The following NKAIN2 variants were observed in gnomAD, a reference collection of about 807,000 sequenced individuals.
The protein encoded by NKAIN2 is sodium/potassium transporting ATPase interacting 2, also known as sodium/potassium-transporting ATPase subunit beta-1-interacting protein 2.
Under a neutral mutation model 32.6 loss-of-function variants are expected in NKAIN2, and 14 were observed. The observed-to-expected ratio is 0.43, with a 90% CI of 0.28 to 0.67. The LOEUF (loss-of-function observed/expected upper bound fraction) is 0.67, where lower values mean the gene tolerates loss of function less well. NKAIN2 is among the 30% of genes least tolerant of loss of function. NKAIN2 has a pLI of 0.17. For synonymous variants in NKAIN2, 80 were observed against 87.2 expected, an observed-to-expected ratio of 0.92 and a Z score of 0.46; for missense variants, 198 against 258.3, an observed-to-expected ratio of 0.77 and a Z score of 1.60.
At chr6:123,976,348 C>CAT (rs3039590) in intron 1 of NKAIN2, among the ~76,000 whole-genome samples, 4,363 of 13,108 alleles carry the variant, frequency 0.33, 785 homozygotes, top group East Asian at 0.5. Context: ...TATATGTTCC[C>CAT]ATATATATAT....
intron 1 of NKAIN2, among the ~76,000 whole-genome samples, chr6:123,871,071 C>G (rs867166274): frequency 1.4e-4 from 22 of 152,080 alleles, no homozygotes; most frequent in African/African-American, 4.1e-4. Flanking sequence ...TCATTTCCCA[C>G]AACAAGAACT....
At chr6:124,058,598 A>G (rs1782778878) in intron 1 of NKAIN2, among the ~76,000 whole-genome samples, 1 of 152,094 alleles carries the variant, frequency 6.6e-6, no homozygotes, top group Admixed American at 6.6e-5. Context: ...GTTACTTATA[A>G]TAGTCAACAT....
At chr6:124,553,035 A>C (rs1780347767) in intron 3 of NKAIN2, among the ~76,000 whole-genome samples, 1 of 152,190 alleles carries the variant, frequency 6.6e-6, no homozygotes, top group African/African-American at 2.4e-5. Context: ...TTTCCTATGG[A>C]ATTTGTTTAA....
At chr6:124,482,150 C>T (rs1038362100) in intron 3 of NKAIN2, among the ~76,000 whole-genome samples, 2 of 152,048 alleles carry the variant, frequency 1.3e-5, no homozygotes, top group African/African-American at 4.8e-5. Context: ...AGTTACAAAC[C>T]TCTCAAAAAT....
At chr6:124,196,616 C>CT (rs2114609294) in intron 1 of NKAIN2, among the ~76,000 whole-genome samples, 1 of 152,146 alleles carries the variant, frequency 6.6e-6, no homozygotes, top group Admixed American at 6.5e-5. Flanking sequence ...TTGCTTTGCA[C>CT]TAACACTCTT....
chr6:124,366,473 C>T (rs1020403079), intron 3 of NKAIN2, among the ~76,000 whole-genome samples: 3 of 151,804 alleles, frequency 2.0e-5, no homozygotes, highest in African/African-American at 4.8e-5. Flanking sequence ...ATTTTGTGTT[C>T]ACATGATTTC....
chr6:124,474,925 C>T (rs959719063), intron 3 of NKAIN2, among the ~76,000 whole-genome samples: 27 of 119,250 alleles, frequency 2.3e-4, no homozygotes, highest in African/African-American at 7.0e-4. Context: ...TATATGTATG[C>T]ATTATATAGG....
At chr6:124,357,626 T>C (rs1241788012) in intron 3 of NKAIN2, among the ~76,000 whole-genome samples, 1 of 152,196 alleles carries the variant, frequency 6.6e-6, no homozygotes, top group Non-Finnish European at 1.5e-5. Context: ...TGACATTCTG[T>C]GGGCTTTATA....
At chr6:124,272,483 A>C (rs1794837907) in intron 1 of NKAIN2, among the ~76,000 whole-genome samples, 1 of 152,218 alleles carries the variant, frequency 6.6e-6, no homozygotes, top group Admixed American at 6.5e-5. Context: ...ACTGTGCCTC[A>C]ATTTCAGAGA....
intron 3 of NKAIN2, among the ~76,000 whole-genome samples, chr6:124,395,011 T>C (rs1422508337): frequency 6.6e-6 from 1 of 152,160 alleles, no homozygotes; most frequent in African/African-American, 2.4e-5. Flanking sequence ...GTCAGGTCTC[T>C]CTAATCTCTT....
At chr6:124,552,595 A>T (rs533771305) in intron 3 of NKAIN2, among the ~76,000 whole-genome samples, 2 of 152,332 alleles carry the variant, frequency 1.3e-5, no homozygotes, top group South Asian at 4.1e-4. Context: ...AGGTTAAATG[A>T]ATTTCCCAAT....
intron 1 of NKAIN2, among the ~76,000 whole-genome samples, chr6:124,016,205 T>C (rs1431337462): frequency 6.6e-6 from 1 of 152,168 alleles, no homozygotes; most frequent in East Asian, 1.9e-4. Context: ...TTTATATTTA[T>C]TAATGAAAGG....
intron 1 of NKAIN2, among the ~76,000 whole-genome samples, chr6:124,072,067 A>C (rs1783492145): frequency 6.6e-6 from 1 of 152,188 alleles, no homozygotes. Context: ...AAAACATGGA[A>C]TCAACCTAGG....
intron 1 of NKAIN2, among the ~76,000 whole-genome samples, chr6:123,813,798 T>C (rs2001641): frequency 0.29 from 43,306 of 151,448 alleles, 8,909 homozygotes; most frequent in East Asian, 0.58. Context: ...CAGAGCGAAA[T>C]CCCATCTCAA....
intron 1 of NKAIN2, among the ~76,000 whole-genome samples, chr6:123,856,105 A>G (rs1775544920): frequency 6.6e-6 from 1 of 152,164 alleles, no homozygotes; most frequent in Admixed American, 6.5e-5. Context: ...TTCACTTATC[A>G]TAATGAGCTG....
chr6:124,130,561 A>T (rs1429379709), intron 1 of NKAIN2, among the ~76,000 whole-genome samples: 2 of 151,092 alleles, frequency 1.3e-5, no homozygotes, highest in African/African-American at 2.4e-5. Flanking sequence ...AATTATTTTA[A>T]TGCATTACTA....
intron 5 of NKAIN2, among the ~76,000 whole-genome samples, chr6:124,801,044 C>T (rs17052407): frequency 4.5e-4 from 68 of 152,262 alleles, no homozygotes; most frequent in African/African-American, 1.1e-3. Context: ...CTGAATTAAA[C>T]GGAACAGGGG....
At chr6:123,861,326 C>A (rs1382190515) in intron 1 of NKAIN2, among the ~76,000 whole-genome samples, 3 of 152,306 alleles carry the variant, frequency 2.0e-5, no homozygotes, top group African/African-American at 7.2e-5. Flanking sequence ...TTCTAAATAT[C>A]TGCTCACAGT....
chr6:123,868,270 G>T (rs534457206), intron 1 of NKAIN2, among the ~76,000 whole-genome samples: 2 of 152,244 alleles, frequency 1.3e-5, no homozygotes, highest in African/African-American at 4.8e-5. Flanking sequence ...CATCACCATT[G>T]CTCAGGTGAG....
Sources: allele counts gnomAD v4.1 joint callset (sites outside exome capture counted in the v4.1 genomes callset), GRCh38; gene constraint gnomAD v4.1.1; transcripts MANE v1.5; gene names NCBI Gene and HGNC (gene_info 2026-07-23, HGNC 2026-07-21).